Variants in CCSER1 observed in about 807,000 individuals in gnomAD.
CCSER1 encodes coiled-coil serine rich protein 1, also known as serine-rich coiled-coil domain-containing protein 1.
CCSER1 carries 41 observed loss-of-function variants against 82.0 expected under a neutral mutation model. The observed-to-expected ratio is 0.50, with a 90% CI of 0.39 to 0.65. The LOEUF (loss-of-function observed/expected upper bound fraction) is 0.65, where lower values mean the gene tolerates loss of function less well. Among genes scored for constraint, CCSER1 ranks in the 30% least tolerant of loss-of-function variants. CCSER1 has a pLI of 0.00. For missense variants in CCSER1, 1,119 were observed against 1,064.2 expected (o/e 1.05, Z -0.72); for synonymous variants, 414 against 383.9 (o/e 1.08, Z -0.92).
intron 1 of CCSER1, among the ~76,000 whole-genome samples, chr4:90,224,447 A>G (rs1224577440): frequency 1.3e-5 from 2 of 152,214 alleles, no homozygotes; most frequent in Non-Finnish European, 2.9e-5. Context: ...ACTGCTGGCT[A>G]TCTAGAAGTG....
chr4:90,944,814 C>T (rs542382511), intron 9 of CCSER1, among the ~76,000 whole-genome samples: 1 of 152,144 alleles, frequency 6.6e-6, no homozygotes, highest in Non-Finnish European at 1.5e-5. Context: ...TAGAAGTTAC[C>T]TGTTTTCTTT....
chr4:91,458,880 T>G (rs1756346480), intron 10 of CCSER1, among the ~76,000 whole-genome samples: 1 of 152,154 alleles, frequency 6.6e-6, no homozygotes, highest in African/African-American at 2.4e-5. Context: ...GTTTTGAGAT[T>G]TTTCTCACAG....
chr4:91,029,865 C>T (rs148384998), intron 9 of CCSER1, among the ~76,000 whole-genome samples: 346 of 151,940 alleles, frequency 2.3e-3, no homozygotes, highest in African/African-American at 7.0e-3. Flanking sequence ...TTTGTTTTAC[C>T]ACACTGCAAA....
chr4:90,694,701 G>GAGAA (rs1405495565), intron 6 of CCSER1, among the ~76,000 whole-genome samples: 1 of 151,896 alleles, frequency 6.6e-6, no homozygotes, highest in Non-Finnish European at 1.5e-5. Context: ...TATAAAGAAT[G>GAGAA]AGAACACTTG....
intron 6 of CCSER1, among the ~76,000 whole-genome samples, chr4:90,633,029 A>G (rs1724723465): frequency 6.6e-6 from 1 of 152,032 alleles, no homozygotes; most frequent in Non-Finnish European, 1.5e-5. Context: ...TATTTCCTCT[A>G]TCATTGGAGC....
At chr4:91,102,920 A>G (rs777989928) in intron 10 of CCSER1, among the ~76,000 whole-genome samples, 5 of 152,244 alleles carry the variant, frequency 3.3e-5, no homozygotes, top group Non-Finnish European at 7.3e-5. Context: ...AATATAGAGA[A>G]GAAAACAAAC....
At chr4:91,481,441 A>T (rs974040767) in intron 10 of CCSER1, among the ~76,000 whole-genome samples, 6 of 152,200 alleles carry the variant, frequency 3.9e-5, no homozygotes, top group African/African-American at 1.4e-4. Flanking sequence ...TAAGACACAA[A>T]TCAGGTTGGT....
intron 5 of CCSER1, among the ~76,000 whole-genome samples, chr4:90,596,233 T>C (rs1002980221): frequency 6.6e-6 from 1 of 151,862 alleles, no homozygotes; most frequent in Admixed American, 6.6e-5. Context: ...TTGTAAAAAA[T>C]TTAAATGAAA....
At chr4:91,253,620 CTT>C (rs1740436877) in intron 10 of CCSER1, among the ~76,000 whole-genome samples, 1 of 152,118 alleles carries the variant, frequency 6.6e-6, no homozygotes, top group Non-Finnish European at 1.5e-5. Context: ...ACAAAATAGA[CTT>C]AACAATAAGA....
intron 9 of CCSER1, among the ~76,000 whole-genome samples, chr4:90,935,365 T>G (rs1255613364): frequency 6.6e-6 from 1 of 152,156 alleles, no homozygotes; most frequent in African/African-American, 2.4e-5. Context: ...GAGTGTCCTG[T>G]CTGCACGTAC....
At chr4:91,045,821 C>G (rs548748597) in intron 9 of CCSER1, among the ~76,000 whole-genome samples, 2 of 152,164 alleles carry the variant, frequency 1.3e-5, no homozygotes, top group South Asian at 4.1e-4. Flanking sequence ...GACCACCAAA[C>G]AGGCTTTGTG....
At chr4:90,802,975 AT>A (rs1757024587) in intron 7 of CCSER1, among the ~76,000 whole-genome samples, 1 of 149,928 alleles carries the variant, frequency 6.7e-6, no homozygotes, top group Non-Finnish European at 1.5e-5. Context: ...TTGTTTTTTA[AT>A]CTTTTGAATT....
chr4:90,897,032 C>T (rs1723813453), intron 8 of CCSER1, among the ~76,000 whole-genome samples: 1 of 151,670 alleles, frequency 6.6e-6, no homozygotes, highest in African/African-American at 2.4e-5. Flanking sequence ...CAAATTTTTC[C>T]TTTTTTCTCT....
intron 10 of CCSER1, among the ~76,000 whole-genome samples, chr4:91,279,239 T>C (rs1742721229): frequency 6.6e-6 from 1 of 152,118 alleles, no homozygotes; most frequent in Non-Finnish European, 1.5e-5. Flanking sequence ...CTATAATGTC[T>C]TGGGAAGGCC....
chr4:91,447,464 C>A (rs2149415019), intron 10 of CCSER1, among the ~76,000 whole-genome samples: 1 of 152,122 alleles, frequency 6.6e-6, no homozygotes, highest in South Asian at 2.1e-4. Flanking sequence ...GGAGCTGCTC[C>A]CAGAATTGAA....
At chr4:91,423,183 T>A (rs1240726289) in intron 10 of CCSER1, among the ~76,000 whole-genome samples, 1 of 151,890 alleles carries the variant, frequency 6.6e-6, no homozygotes, top group East Asian at 1.9e-4. Flanking sequence ...CCCAACACTT[T>A]GGGAGGCTGA....
chr4:91,296,408 A>C (rs1415348523), intron 10 of CCSER1, among the ~76,000 whole-genome samples: 1 of 145,166 alleles, frequency 6.9e-6, no homozygotes, highest in Non-Finnish European at 1.5e-5. Context: ...AAGCATAGTA[A>C]AGTCTTCATA....
intron 3 of CCSER1, among the ~76,000 whole-genome samples, chr4:90,379,947 A>AG (rs1372916963): frequency 6.6e-6 from 1 of 152,052 alleles, no homozygotes; most frequent in Non-Finnish European, 1.5e-5. Flanking sequence ...GAGGAAGAGA[A>AG]GGGGGAATTG....
chr4:91,162,317 G>C (rs1194866438), intron 10 of CCSER1, among the ~76,000 whole-genome samples: 2 of 152,286 alleles, frequency 1.3e-5, no homozygotes, highest in East Asian at 3.9e-4. Flanking sequence ...TAGATGTGCT[G>C]CCTGATTCGG....
Sources: gnomAD v4.1 joint callset for allele counts (sites outside exome capture counted in the v4.1 genomes callset) on GRCh38, gnomAD v4.1.1 for gene constraint, MANE v1.5 for transcripts, NCBI Gene and HGNC (gene_info 2026-07-23, HGNC 2026-07-21) for gene names.